FHIT: variants seen among roughly 807,000 people sequenced by gnomAD.
FHIT encodes fragile histidine triad diadenosine triphosphatase, also known as bis(5'-adenosyl)-triphosphatase.
Under a neutral mutation model 17.9 loss-of-function variants are expected in FHIT, and 19 were observed. That is an observed-to-expected ratio of 1.06 (90% CI 0.74 to 1.56). The LOEUF is 1.56. FHIT is among the 40% of genes most tolerant of loss of function. The pLI is 0.00. For missense variants in FHIT, 248 were observed against 189.2 expected (o/e 1.31, Z -1.82); for synonymous variants, 81 against 69.7 (o/e 1.16, Z -0.81).
At chr3:60,237,856 C>T (rs1364739706) in intron 5 of FHIT, among the ~76,000 whole-genome samples, 2 of 152,084 alleles carry the variant, frequency 1.3e-5, no homozygotes, top group Non-Finnish European at 2.9e-5. Context: ...AATTTGTGGG[C>T]CGGGCATGGT....
At chr3:61,036,246 C>T (rs1420140523) in intron 3 of FHIT, among the ~76,000 whole-genome samples, 1 of 152,128 alleles carries the variant, frequency 6.6e-6, no homozygotes, top group African/African-American at 2.4e-5. Flanking sequence ...ACAGCCAGAT[C>T]TCCAAAACTC....
At chr3:60,309,137 T>G (rs890908091) in intron 5 of FHIT, among the ~76,000 whole-genome samples, 1 of 152,134 alleles carries the variant, frequency 6.6e-6, no homozygotes, top group South Asian at 2.1e-4. Flanking sequence ...GTCAGGGAAG[T>G]GCTAGCAATT....
At chr3:60,049,181 CTTAT>C (rs1701772674) in intron 5 of FHIT, among the ~76,000 whole-genome samples, 2 of 152,122 alleles carry the variant, frequency 1.3e-5, no homozygotes, top group African/African-American at 4.8e-5. Context: ...TTATGCTCAA[CTTAT>C]TTAAATGATA....
chr3:60,182,344 T>C (rs1701973916), intron 5 of FHIT, among the ~76,000 whole-genome samples: 1 of 152,184 alleles, frequency 6.6e-6, no homozygotes, highest in Non-Finnish European at 1.5e-5. Flanking sequence ...CAAATATCAA[T>C]GATTCCATGA....
At chr3:61,187,270 G>A (rs775199298) in intron 2 of FHIT, among the ~76,000 whole-genome samples, 25 of 152,168 alleles carry the variant, frequency 1.6e-4, no homozygotes, top group Non-Finnish European at 8.8e-5. Flanking sequence ...GCAAAGACAA[G>A]AACATAGACA....
Position 61,127,753 on chromosome 3 carries a change from C to T in FHIT, c.-164+72864G>A, listed in dbSNP as rs1413738766. ...GTATTACAGGGTGTGGCCTGTAATC[C>T]CAGATACTCAGGAGGCTGAGACAGG... On this transcript the variant is annotated intron_variant, in intron 2 of 9. Coordinates refer to ENST00000492590, the MANE Select transcript of FHIT (RefSeq NM_002012.4). 4.0e-5 allele frequency among the ~76,000 whole-genome samples: 6 copies of T among 151,724 alleles called. No homozygotes were observed. In the East Asian group the frequency reaches 1.2e-3, roughly 29 times the overall value.
At chr3:60,857,789 A>G (rs1395777233) in intron 3 of FHIT, among the ~76,000 whole-genome samples, 1 of 152,100 alleles carries the variant, frequency 6.6e-6, no homozygotes, top group Non-Finnish European at 1.5e-5. Context: ...ATAGGTGGAT[A>G]TGGTGATGTA....
At chr3:59,804,349 A>C (rs1050374200) in intron 8 of FHIT, among the ~76,000 whole-genome samples, 3 of 152,238 alleles carry the variant, frequency 2.0e-5, no homozygotes. Flanking sequence ...CTGTCTCTTT[A>C]TCCCATAAGG....
chr3:60,155,425 C>T (rs6802579), intron 5 of FHIT, among the ~76,000 whole-genome samples: 107,801 of 152,016 alleles, frequency 0.71, 40,006 homozygotes, highest in Non-Finnish European at 0.83. Flanking sequence ...GCAGCAAAGT[C>T]TGACTTGAAG....
At chr3:60,449,245 C>T (rs577157567) in intron 5 of FHIT, among the ~76,000 whole-genome samples, 1 of 152,116 alleles carries the variant, frequency 6.6e-6, no homozygotes, top group Non-Finnish European at 1.5e-5. Flanking sequence ...AGAACCAGTG[C>T]CCCGGTCTGT....
chr3:59,789,443 C>G (rs1263247446), intron 8 of FHIT, among the ~76,000 whole-genome samples: 1 of 152,156 alleles, frequency 6.6e-6, no homozygotes, highest in Non-Finnish European at 1.5e-5. Flanking sequence ...GCATTTTTCT[C>G]TTCTCCGTTG....
intron 5 of FHIT, among the ~76,000 whole-genome samples, chr3:60,173,915 A>ATATATATATTTTT: frequency 1.5e-5 from 1 of 66,442 alleles, no homozygotes. Context: ...ATATATATAT[A>ATATATATATTTTT]TGTTTTTTTT....
At chr3:60,748,774 T>G (rs2042408968) in intron 4 of FHIT, among the ~76,000 whole-genome samples, 1 of 152,176 alleles carries the variant, frequency 6.6e-6, no homozygotes, top group Non-Finnish European at 1.5e-5. Flanking sequence ...ATTGAGCCAC[T>G]GGACTCCAGC....
intron 4 of FHIT, among the ~76,000 whole-genome samples, chr3:60,632,576 G>C (rs544210795): frequency 6.6e-6 from 1 of 152,250 alleles, no homozygotes; most frequent in South Asian, 2.1e-4. Context: ...TCCAGGTCTG[G>C]CTCACAAAAC....
At chr3:60,103,448 C>G (rs1704276132) in intron 5 of FHIT, among the ~76,000 whole-genome samples, 1 of 152,072 alleles carries the variant, frequency 6.6e-6, no homozygotes, top group African/African-American at 2.4e-5. Context: ...CAAAAACAAA[C>G]AAACACCACG....
chr3:60,514,667 A>C (rs1331095140), intron 5 of FHIT, among the ~76,000 whole-genome samples: 1 of 152,180 alleles, frequency 6.6e-6, no homozygotes, highest in African/African-American at 2.4e-5. Context: ...TAATAAAAAC[A>C]AGAGTTATAA....
intron 5 of FHIT, among the ~76,000 whole-genome samples, chr3:60,511,952 TGAGA>T (rs768480673): frequency 2.6e-5 from 4 of 151,954 alleles, no homozygotes; most frequent in Non-Finnish European, 5.9e-5. Flanking sequence ...GTTTACTAGA[TGAGA>T]GAGAAACAGC....
rs144583894 is a variant in FHIT, at chr3:59,880,882, T to G, written c.348+41464A>C. On this transcript the variant is annotated intron_variant, in intron 8 of 9. Transcript: ENST00000492590. ...TTGTGCTCCTTCTAATTCCATATTC[T>G]CAGACTACATGGAATGAATGGGTAT... Among the ~76,000 whole-genome samples the G allele has an allele frequency of 3.4e-3, 519 of 152,290 alleles. 4 individuals carry two copies. Among genetic ancestry groups the G allele is most frequent in the African/African-American group, 0.012 (492 of 41,568 alleles).
intron 4 of FHIT, among the ~76,000 whole-genome samples, chr3:60,669,228 G>A (rs1553693264): frequency 6.6e-6 from 1 of 152,158 alleles, no homozygotes; most frequent in Non-Finnish European, 1.5e-5. Flanking sequence ...TAAAAGAGTG[G>A]TTGTTGGTAG....
Sources: gnomAD v4.1 joint callset for allele counts (sites outside exome capture counted in the v4.1 genomes callset) on GRCh38, gnomAD v4.1.1 for gene constraint, MANE v1.5 for transcripts, NCBI Gene and HGNC (gene_info 2026-07-23, HGNC 2026-07-21) for gene names.